Variants in BTG4 observed in about 807,000 individuals in gnomAD.
The protein encoded by BTG4 is BTG anti-proliferation factor 4.
Under a neutral mutation model 19.3 loss-of-function variants are expected in BTG4, and 10 were observed. The ratio of observed to expected loss-of-function variants is 0.52; its 90% CI spans 0.32 to 0.88. BTG4 has a LOEUF of 0.88. Among genes scored for constraint, BTG4 ranks in the 40% least tolerant of loss-of-function variants. The pLI, the probability that BTG4 is intolerant of heterozygous loss-of-function variation, is 0.04. For missense variants in BTG4, 238 were observed against 281.9 expected, an observed-to-expected ratio of 0.84 and a Z score of 1.11; for synonymous variants, 91 against 95.7, an observed-to-expected ratio of 0.95 and a Z score of 0.29.
chr11:111,385,476 T>C, the BTG4 span: 1 of 152,072 alleles, frequency 6.6e-6, no homozygotes, highest in South Asian at 2.1e-4. Context: ...AAGAAAATTA[T>C]AGGCCATCTA....
rs1215037510 is a variant in BTG4 at position 111,495,184 on chromosome 11, G to A, written c.641C>T (p.Pro214Leu). ...GTACCTGTCCAGCCGGTGCATAGCA[G>A]GCCTGTAACACTTAGGATGCTTCTG... is the stretch of plus-strand genomic sequence containing the variant. ...GSQKHPKCYR[P>L]AMHRLDRYHW... Residue 214 changes from proline (P) to leucine (L), a missense_variant, in exon 5 of 5, where the codon CCT becomes CTT. Coordinates refer to ENST00000692032, the MANE Select transcript of BTG4 (RefSeq NM_001367975.1). 1 of 1,606,038 alleles carries A rather than the reference G, an allele frequency of 6.2e-7. No homozygotes were observed. The highest frequency in any genetic ancestry group is 2.3e-5 in the East Asian group (1 of 44,420).
Position 111,497,302 on chromosome 11 carries a change from T to G in BTG4, c.419A>C (p.Asp140Ala). 6.2e-7 allele frequency: 1 copy of G among 1,609,868 alleles called. No homozygotes were observed. Among genetic ancestry groups the G allele is most frequent in the South Asian group, 1.1e-5 (1 of 89,892 alleles). ...ISYAVSRASS[D>A]VSSGTSCDEE... ...ATCGCAGGAAGTGCCAGAGGAAACG[T>G]CTGATGAGGCTCTACTAACGGCATA... The change falls in exon 4 of 5, where the codon GAC becomes GCC. Residue 140 changes from aspartate to alanine, a missense_variant. Physicochemically the swap from Asp to Ala is moderately radical, Grantham distance 126 (BLOSUM62 -2). Transcript: ENST00000692032.
the BTG4 span, among the ~76,000 whole-genome samples, chr11:111,421,467 C>T: frequency 6.6e-6 from 1 of 152,198 alleles, no homozygotes; most frequent in Non-Finnish European, 1.5e-5. Context: ...TAGGTTTGCA[C>T]GTGTGTTTCC....
At chr11:111,467,455 A>C, downstream of BTG4, 1 of 495,642 alleles carries the variant, frequency 2.0e-6, no homozygotes, top group Non-Finnish European at 3.5e-6. Flanking sequence ...TAATGCCCCA[A>C]TGCATTTACT....
upstream of BTG4, chr11:111,513,064 C>T (rs11606481): frequency 0.63 from 282,662 of 450,222 alleles, 94,373 homozygotes; most frequent in Admixed American, 0.74. Flanking sequence ...CCGGCTCGGG[C>T]AGCCCGCAGC....
At chr11:111,429,275 G>T in the BTG4 span, among the ~76,000 whole-genome samples, 4 of 152,270 alleles carry the variant, frequency 2.6e-5, no homozygotes, top group Admixed American at 2.6e-4. Flanking sequence ...GAGACATCTT[G>T]AGAGACCAGT....
chr11:111,453,719 T>G, the BTG4 span: 1 of 357,642 alleles, frequency 2.8e-6, no homozygotes, highest in Non-Finnish European at 5.6e-6. Context: ...TCAAAAAATC[T>G]TTTCTGAGTG....
At chr11:111,420,056 A>G in the BTG4 span, among the ~76,000 whole-genome samples, 47 of 152,274 alleles carry the variant, frequency 3.1e-4, no homozygotes, top group African/African-American at 1.1e-3. Flanking sequence ...GGAATCTACA[A>G]TGGACAACTG....
chr11:111,487,757 G>A (rs1283410250), intron 5 of BTG4, among the ~76,000 whole-genome samples: 1 of 152,098 alleles, frequency 6.6e-6, no homozygotes, highest in Non-Finnish European at 1.5e-5. Context: ...AATAAATTCA[G>A]TAAAGTTGCA....
At chr11:111,388,053 T>C in the BTG4 span, among the ~76,000 whole-genome samples, 1 of 152,208 alleles carries the variant, frequency 6.6e-6, no homozygotes, top group Non-Finnish European at 1.5e-5. Context: ...GAGCACAAAC[T>C]TTGTGCTGGA....
Position 111,495,327 on chromosome 11 carries a change from A to C in BTG4, c.511-13T>G. The C allele has an allele frequency of 3.1e-6, 5 of 1,601,938 alleles. No individual in the cohort carries two copies. Among genetic ancestry groups the C allele is most frequent in the Non-Finnish European group, 4.3e-6 (5 of 1,171,290 alleles). ...TCAAGTTTTCAACCTGGAAAAAAAAAGTATAAAGATCTCTAATAAGCTAGC... is the reference window on the plus strand; with the variant it reads ...TCAAGTTTTCAACCTGGAAAAAAAACGTATAAAGATCTCTAATAAGCTAGC... On this transcript the variant is annotated splice_polypyrimidine_tract_variant and intron_variant, in intron 4 of 4. Transcript: ENST00000692032.
chr11:111,389,024 G>T, the BTG4 span, among the ~76,000 whole-genome samples: 5 of 152,316 alleles, frequency 3.3e-5, no homozygotes, highest in Admixed American at 3.3e-4. Flanking sequence ...CATGAAAATA[G>T]GAATTACAAT....
chr11:111,467,783 G>A (rs1591439813), intron 5 of BTG4: 1 of 653,292 alleles, frequency 1.5e-6, no homozygotes, highest in Non-Finnish European at 2.7e-6. Flanking sequence ...AAGTCATTTA[G>A]CTAAGGCATA....
At chr11:111,451,449 C>G in the BTG4 span, 1 of 442,602 alleles carries the variant, frequency 2.3e-6, no homozygotes, top group South Asian at 1.6e-5. Flanking sequence ...GACATTATCC[C>G]ATTATTTCCC....
chr11:111,406,089 G>C, the BTG4 span, among the ~76,000 whole-genome samples: 1 of 152,156 alleles, frequency 6.6e-6, no homozygotes, highest in Non-Finnish European at 1.5e-5. Flanking sequence ...CTTCAGAGAA[G>C]ATGCAATTTA....
chr11:111,425,972 A>G, the BTG4 span, among the ~76,000 whole-genome samples: 1 of 152,264 alleles, frequency 6.6e-6, no homozygotes, highest in East Asian at 1.9e-4. Flanking sequence ...TTGAGGATTC[A>G]GTGAGCCGAG....
At chr11:111,488,537 G>A (rs1023420842) in intron 5 of BTG4, among the ~76,000 whole-genome samples, 1 of 152,130 alleles carries the variant, frequency 6.6e-6, no homozygotes, top group Admixed American at 6.5e-5. Context: ...ACATTGGTCT[G>A]GGCAAAGGTT....
At chr11:111,419,962 A>G in the BTG4 span, among the ~76,000 whole-genome samples, 1 of 152,212 alleles carries the variant, frequency 6.6e-6, no homozygotes, top group Non-Finnish European at 1.5e-5. Flanking sequence ...GTTTGGCCAC[A>G]CATTGCCAAG....
At chr11:111,442,492 T>C in the BTG4 span, among the ~76,000 whole-genome samples, 51 of 137,108 alleles carry the variant, frequency 3.7e-4, no homozygotes, top group East Asian at 8.3e-3. Context: ...CAGAGTAAGA[T>C]TGTTTCAAAA....
Sources: allele counts gnomAD v4.1 joint callset (sites outside exome capture counted in the v4.1 genomes callset), GRCh38; gene constraint gnomAD v4.1.1; transcripts MANE v1.5; gene names NCBI Gene and HGNC (gene_info 2026-07-23, HGNC 2026-07-21).